The following ZC3H8 variants were observed in gnomAD, a reference collection of about 807,000 sequenced individuals.
The protein encoded by ZC3H8 is zinc finger CCCH domain-containing protein 8.
ZC3H8 carries 27 observed loss-of-function variants against 42.5 expected under a neutral mutation model. The ratio of observed to expected loss-of-function variants is 0.64; its 90% CI spans 0.47 to 0.88. The LOEUF (loss-of-function observed/expected upper bound fraction) is 0.88. ZC3H8 is among the 40% of genes least tolerant of loss of function. The probability of loss-of-function intolerance (pLI) is 0.00; values close to 1 mark genes in which losing one functional copy is unlikely to be tolerated. For synonymous variants in ZC3H8, 101 were observed against 110.1 expected (o/e 0.92, Z 0.52); for missense variants, 277 against 336.1 (o/e 0.82, Z 1.37).
intron 8 of ZC3H8, among the ~76,000 whole-genome samples, chr2:112,223,661 A>AATCT (rs1384119832): frequency 6.6e-6 from 1 of 152,226 alleles, no homozygotes; most frequent in Admixed American, 6.5e-5. Flanking sequence ...GCTAACAATC[A>AATCT]ATCTTTGGGC....
At chr2:112,239,306 T>C (rs1390519103) in intron 2 of ZC3H8, among the ~76,000 whole-genome samples, 3 of 152,220 alleles carry the variant, frequency 2.0e-5, no homozygotes, top group African/African-American at 7.2e-5. Context: ...TTAAACTGTA[T>C]CATTATAATT....
chr2:112,216,765 TGAA>T lies in ZC3H8; in HGVS notation c.*16-300_*16-298del, dbSNP rs566962525. ...AACAAGAAAAAAATTATATTACAAA[TGAA>T]GACTATATTACAAGAAAGAATAAAT... On this transcript the variant is annotated intron_variant, in intron 8 of 8. Transcript: ENST00000409573. 4.7e-5 allele frequency among the ~76,000 whole-genome samples: 7 copies of T among 148,118 alleles called. No individual in the cohort carries two copies. The South Asian group carries it at 1.3e-3, about 27-fold the overall frequency.
At chr2:112,238,241 C>G in intron 3 of ZC3H8, 74 bp downstream of exon 3, 1 of 1,433,366 alleles carries the variant, frequency 7.0e-7, no homozygotes, top group East Asian at 2.3e-5. Context: ...AAAGAAAAAT[C>G]CTCTGTCCGT....
intron 8 of ZC3H8, 168 bp downstream of exon 8, chr2:112,230,735 G>A (rs1399149521): frequency 2.6e-5 from 8 of 307,906 alleles, no homozygotes; most frequent in South Asian, 1.4e-4. Flanking sequence ...GAAGCAGGCT[G>A]ATGTAGATCC....
At chr2:112,216,646 C>G (rs537981769) in intron 8 of ZC3H8, among the ~76,000 whole-genome samples, 178 bp from the exon 9 acceptor site, 1 of 142,656 alleles carries the variant, frequency 7.0e-6, no homozygotes, top group Non-Finnish European at 1.5e-5. Context: ...AAAGAACATT[C>G]TGAATTGAAA....
chr2:112,230,310 T>G (rs1287736908), intron 8 of ZC3H8, among the ~76,000 whole-genome samples: 1 of 152,168 alleles, frequency 6.6e-6, no homozygotes, highest in African/African-American at 2.4e-5. Context: ...AAACTGATAT[T>G]ATATTAAATT....
At position 112,214,406 on chromosome 2, in the gene ZC3H8, T is replaced by C. The variant is rs1684251484; in HGVS notation, c.*2078A>G. The C allele has an allele frequency of 6.6e-6, 1 of 152,184 alleles. No individual in the cohort carries two copies. The highest frequency in any genetic ancestry group is 1.5e-5 in the Non-Finnish European group (1 of 68,054). 9.4% of individuals were successfully genotyped at this position (152,184 alleles called of 1,614,324 possible). ...GATAACCATGCTGGCCAAATAAATC[T>C]GTGCAGATTTTTCCCATACAACTTT... On this transcript the variant is annotated 3_prime_UTR_variant, in exon 9 of 9. Transcript: ENST00000409573.
intron 8 of ZC3H8, among the ~76,000 whole-genome samples, chr2:112,226,545 T>C (rs1684846567): frequency 8.1e-6 from 1 of 122,954 alleles, no homozygotes; most frequent in Non-Finnish European, 1.6e-5. Context: ...GCCAAGATTG[T>C]GCCACTGCAC....
At chr2:112,245,760 A>AT (rs1685740941) in intron 2 of ZC3H8, among the ~76,000 whole-genome samples, 3 of 152,284 alleles carry the variant, frequency 2.0e-5, no homozygotes, top group Middle Eastern at 3.4e-3. Flanking sequence ...TAAACAACAG[A>AT]TTTTCAATGT....
At position 112,212,260 on chromosome 2, in the gene ZC3H8, A is replaced by G. The variant is rs1046921467; in HGVS notation, c.*4224T>C. ...TGAGGGGCTCCACCCTCAAAACCCAATCATCTCCCAAAGGCCCTACCTCCT... is the reference window on the plus strand; with the variant it reads ...TGAGGGGCTCCACCCTCAAAACCCAGTCATCTCCCAAAGGCCCTACCTCCT... On this transcript the variant is annotated 3_prime_UTR_variant, in exon 9 of 9. Transcript: ENST00000409573. 6.6e-6 allele frequency: 1 copy of G among 152,154 alleles called. No individual in the cohort carries two copies. Among genetic ancestry groups the G allele is most frequent in the African/African-American group, 2.4e-5 (1 of 41,424 alleles). The allele number at this position is 152,154 out of a possible 1,614,324, so 9.4% of individuals were successfully genotyped here.
rs1686074974 is a variant in ZC3H8 at position 112,255,009 on chromosome 2, G to T, written c.-28C>A. 2 of 1,583,540 alleles carry T rather than the reference G, an allele frequency of 1.3e-6. No individual in the cohort carries two copies. On this transcript the variant is annotated 5_prime_UTR_variant, in exon 1 of 9. Coordinates refer to ENST00000409573, the MANE Select transcript of ZC3H8 (RefSeq NM_032494.3). ...CCCAGACAGGTCCTCCCTTTCGCGA[G>T]CCGGGAAGCTACAGAGTAACAACCC... is the stretch of plus-strand genomic sequence containing the variant.
chr2:112,233,297 T>C lies in ZC3H8; in HGVS notation c.696A>G (p.Gly232=). The C allele has an allele frequency of 1.3e-6, 2 of 1,599,594 alleles. No individual in the cohort carries two copies. Among genetic ancestry groups the C allele is most frequent in the Non-Finnish European group, 1.7e-6 (2 of 1,171,962 alleles). ...GACAGTTTTCACCTCTGGTACAATA[T>C]CCTTGTACATAAAACTTACACATTT... is the stretch of plus-strand genomic sequence containing the variant. ...KKEMCKFYVQ[G]YCTRGENCLY... The change falls in exon 6 of 9, where the codon GGA becomes GGG. Residue 232 remains glycine, a synonymous_variant. Transcript: ENST00000409573.
intron 8 of ZC3H8, among the ~76,000 whole-genome samples, chr2:112,219,281 C>T (rs1160596281): frequency 6.6e-6 from 1 of 152,062 alleles, no homozygotes; most frequent in Non-Finnish European, 1.5e-5. Flanking sequence ...GAAATAAACC[C>T]TCACGTCTAT....
intron 4 of ZC3H8, among the ~76,000 whole-genome samples, chr2:112,236,089 C>A (rs911990620): frequency 1.3e-5 from 2 of 151,974 alleles, no homozygotes; most frequent in African/African-American, 4.8e-5. Context: ...CATGGCGAAA[C>A]CCTGTCTCTA....
At chr2:112,224,150 A>G (rs541884261) in intron 8 of ZC3H8, among the ~76,000 whole-genome samples, 2 of 152,330 alleles carry the variant, frequency 1.3e-5, no homozygotes, top group East Asian at 3.9e-4. Flanking sequence ...CTCAAAAGGC[A>G]TTAATATTTT....
chr2:112,232,139 G>A (rs980920875), intron 6 of ZC3H8, among the ~76,000 whole-genome samples, 192 bp from the exon 7 acceptor site: 2 of 151,896 alleles, frequency 1.3e-5, no homozygotes, highest in African/African-American at 2.4e-5. Flanking sequence ...GCGAAACCTC[G>A]CCTTTACTAA....
chr2:112,223,342 A>G (rs1408640061), intron 8 of ZC3H8, among the ~76,000 whole-genome samples: 1 of 152,210 alleles, frequency 6.6e-6, no homozygotes, highest in Non-Finnish European at 1.5e-5. Flanking sequence ...GTATTAATTT[A>G]GATGTAATGG....
chr2:112,220,127 GGAGT>G (rs1212642560), intron 8 of ZC3H8, among the ~76,000 whole-genome samples: 1 of 152,174 alleles, frequency 6.6e-6, no homozygotes, highest in Non-Finnish European at 1.5e-5. Context: ...CCTTTTAACT[GGAGT>G]GTGTAGCCTA....
intron 2 of ZC3H8, among the ~76,000 whole-genome samples, chr2:112,241,737 C>T (rs1011191160): frequency 6.6e-6 from 1 of 152,178 alleles, no homozygotes; most frequent in Non-Finnish European, 1.5e-5. Flanking sequence ...TTCATGACCA[C>T]TGCAAAATTA....
Sources: gnomAD v4.1 joint callset for allele counts (sites outside exome capture counted in the v4.1 genomes callset) on GRCh38, gnomAD v4.1.1 for gene constraint, MANE v1.5 for transcripts, NCBI Gene and HGNC (gene_info 2026-07-23, HGNC 2026-07-21) for gene names.